The following MAN2C1 variants were observed in gnomAD, a reference collection of about 807,000 sequenced individuals.
MAN2C1 encodes the protein mannosidase alpha class 2C member 1.
MAN2C1 carries 111 observed loss-of-function variants against 126.9 expected under a neutral mutation model. The ratio of observed to expected loss-of-function variants is 0.87; its 90% CI spans 0.75 to 1.02. The LOEUF (loss-of-function observed/expected upper bound fraction) is 1.02. MAN2C1 is among the 50% of genes least tolerant of loss of function. The pLI, the probability that MAN2C1 is intolerant of heterozygous loss-of-function variation, is 0.00. For missense variants in MAN2C1, 1,363 were observed against 1,364.4 expected, an observed-to-expected ratio of 1.00 and a Z score of 0.02; for synonymous variants, 567 against 561.5, an observed-to-expected ratio of 1.01 and a Z score of -0.14.
Position 75,368,101 on chromosome 15 carries a change from C to T in MAN2C1, c.199G>A (p.Ala67Thr), listed in dbSNP as rs371985026. Reference protein sequence around the residue: ...QEAVQRDFRPAQVGDSFGPTW... With the variant: ...QEAVQRDFRPTQVGDSFGPTW... ...GGTCCGAAGCTGTCGCCGACCTGCGCGGGGCGGAAGTCCCGCTGGACTGCC... is the reference window on the plus strand; with the variant it reads ...GGTCCGAAGCTGTCGCCGACCTGCGTGGGGCGGAAGTCCCGCTGGACTGCC... Residue 67 changes from alanine (A) to threonine (T), a missense_variant, in exon 2 of 26, where the codon GCG (alanine) becomes ACG (threonine). Physicochemically the swap from Ala to Thr is moderately conservative, Grantham distance 58. Transcript: ENST00000267978. 1.1e-5 allele frequency: 18 copies of T among 1,607,460 alleles called. No homozygotes were observed. Among genetic ancestry groups the T allele is most frequent in the Non-Finnish European group, 1.5e-5 (18 of 1,177,932 alleles).
In MAN2C1 at chr15:75,361,791, C is replaced by G. The variant is rs919724581; in HGVS notation, c.1101+64G>C. 2 of 1,593,760 alleles carry G rather than the reference C, an allele frequency of 1.3e-6. No individual in the cohort carries two copies. The highest frequency in any genetic ancestry group is 2.7e-5 in the African/African-American group (2 of 74,604). On this transcript the variant is annotated intron_variant, in intron 9 of 25. Transcript: ENST00000267978. The surrounding 1 kb of genome is among the most constrained non-coding windows in gnomAD (Gnocchi z 5.0). The stretch of plus-strand genomic sequence containing the variant: ...CGGACTCACCCCAGCCTCAGCCCCT[C>G]AGCACTCCAAGTCGAGCGCCAGCCC...
rs1481391804 is a variant in MAN2C1, at chr15:75,360,557, C to G, written c.1584+8G>C. 1.2e-6 allele frequency: 2 copies of G among 1,613,448 alleles called. No homozygotes were observed. Among genetic ancestry groups the G allele is most frequent in the Non-Finnish European group, 1.7e-6 (2 of 1,179,924 alleles). Reference sequence around the variant, plus strand: ...CCTCCCTGCACAGCCCTGCAACCTCCCCCTGACCTGGGCATGGGTGGTGTA... The same window carrying G: ...CCTCCCTGCACAGCCCTGCAACCTCGCCCTGACCTGGGCATGGGTGGTGTA... On this transcript the variant is annotated splice_region_variant and intron_variant, in intron 13 of 25. Transcript: ENST00000267978.
chr15:75,357,033 G>A (rs1266055702), intron 21 of MAN2C1, 131 bp from the exon 22 acceptor site: 41 of 706,848 alleles, frequency 5.8e-5, no homozygotes, highest in Admixed American at 3.4e-4. Flanking sequence ...CCCACTGTAC[G>A]GGGCCCTGGG....
chr15:75,363,253 C>G (rs2072511567), intron 6 of MAN2C1: 1 of 456,052 alleles, frequency 2.2e-6, no homozygotes, highest in African/African-American at 2.0e-5. Flanking sequence ...TCTGTGATCC[C>G]AAAACTTCGG....
rs1595876109 is a variant in MAN2C1 at position 75,359,791 on chromosome 15, C to G, written c.1793-16G>C. On this transcript the variant is annotated splice_polypyrimidine_tract_variant and intron_variant, in intron 15 of 25. Transcript: ENST00000267978. Reference sequence around the variant, plus strand: ...GAACGGATGTCTGAGGAAAGACTGGCTGGTCATAGGTGGGCAACAGGTCTG... The same window carrying G: ...GAACGGATGTCTGAGGAAAGACTGGGTGGTCATAGGTGGGCAACAGGTCTG... 1 of 1,613,594 alleles carries G rather than the reference C, an allele frequency of 6.2e-7. No individual in the cohort carries two copies. The highest frequency in any genetic ancestry group is 1.1e-5 in the South Asian group (1 of 91,060).
chr15:75,366,439 AG>A, intron 4 of MAN2C1, 82 bp downstream of exon 4: 1 of 1,152,944 alleles, frequency 8.7e-7, no homozygotes, highest in South Asian at 1.3e-5. Context: ...CGGGCTTATG[AG>A]ATCACTCTGG....
rs1567269298 is a variant in MAN2C1, at chr15:75,356,478, T to C, written c.2738-29A>G. 2 of 1,578,552 alleles carry C rather than the reference T, an allele frequency of 1.3e-6. No individual in the cohort carries two copies. The highest frequency in any genetic ancestry group is 2.3e-5 in the South Asian group (2 of 85,892). On this transcript the variant is annotated intron_variant, in intron 23 of 25. Coordinates refer to ENST00000267978, the MANE Select transcript of MAN2C1 (RefSeq NM_006715.4). The surrounding 1 kb of genome is among the most constrained non-coding windows in gnomAD (Gnocchi z 5.8). ...GGGTACGACCAGGAAACAATGCTGGTGGAGAATGGGGGCTACCCTCCCCTG... is the reference window on the plus strand; with the variant it reads ...GGGTACGACCAGGAAACAATGCTGGCGGAGAATGGGGGCTACCCTCCCCTG...
chr15:75,365,394 T>G (rs569849253), intron 4 of MAN2C1, among the ~76,000 whole-genome samples: 10 of 152,248 alleles, frequency 6.6e-5, no homozygotes, highest in South Asian at 6.2e-4. Context: ...TAACATGGAA[T>G]GTAAGAAGTC....
At position 75,364,219 on chromosome 15, in the gene MAN2C1, T is replaced by C. The variant is rs755929315; in HGVS notation, c.601-31A>G. ...GCAGGGTTCTGCCCCTTAATCCCTT[T>C]TTCAAGCACAGCTTCCAGACCTAGG... On this transcript the variant is annotated intron_variant, in intron 5 of 25. Transcript: ENST00000267978. 1.4e-5 allele frequency: 22 copies of C among 1,580,326 alleles called. No homozygotes were observed. The South Asian group carries it at 2.5e-4, about 18-fold the overall frequency.
In MAN2C1 at chr15:75,362,160, T is replaced by C; in HGVS notation, c.1008+183A>G. Reference sequence around the variant, plus strand: ...TAGGCCATGCAACTTGTCACAGCGCTGGAGGCTCTCCTCCCCCTTGAAGTC... The same window carrying C: ...TAGGCCATGCAACTTGTCACAGCGCCGGAGGCTCTCCTCCCCCTTGAAGTC... On this transcript the variant is annotated intron_variant, in intron 8 of 25. Coordinates refer to ENST00000267978, the MANE Select transcript of MAN2C1 (RefSeq NM_006715.4). The surrounding 1 kb of genome is among the most constrained non-coding windows in gnomAD (Gnocchi z 4.5). 1.5e-6 allele frequency: 1 copy of C among 669,320 alleles called. No homozygotes were observed. The highest frequency in any genetic ancestry group is 1.8e-5 in the South Asian group (1 of 55,736). The allele number at this position is 669,320 out of a possible 1,614,324, so 41.5% of individuals were successfully genotyped here.
At chr15:75,358,928 C>G in intron 18 of MAN2C1, 120 bp from the exon 19 acceptor site, 1 of 1,430,758 alleles carries the variant, frequency 7.0e-7, no homozygotes, top group Non-Finnish European at 9.7e-7. Context: ...CCAGCCTGCC[C>G]TGCTCCATGT....
chr15:75,357,309 CT>C (rs766453436), intron 21 of MAN2C1: 3,655 of 144,816 alleles, frequency 0.025, 24 homozygotes, highest in East Asian at 0.084. Flanking sequence ...CCACGCCCGG[CT>C]TTTTTTTTTT....
intron 16 of MAN2C1, 56 bp from the exon 17 acceptor site, chr15:75,359,481 G>A (rs567809335): frequency 3.6e-5 from 56 of 1,574,556 alleles, no homozygotes; most frequent in South Asian, 1.7e-4. Context: ...GGAAGCTTGC[G>A]CAGGTGGGGA....
intron 6 of MAN2C1, chr15:75,363,042 C>T (rs1398859700): frequency 1.2e-5 from 5 of 421,786 alleles, no homozygotes; most frequent in African/African-American, 6.1e-5. Flanking sequence ...GAGGATCCTA[C>T]GAGAAGTAGC....
intron 4 of MAN2C1, chr15:75,365,955 C>T: frequency 2.3e-6 from 1 of 430,460 alleles, no homozygotes. Context: ...GACGTGGTGG[C>T]ACACACCTGT....
At position 75,359,372 on chromosome 15, in the gene MAN2C1, G is replaced by C. The variant is rs758952816; in HGVS notation, c.2002C>G (p.Leu668Val). 2 of 1,606,428 alleles carry C rather than the reference G, an allele frequency of 1.2e-6. No individual in the cohort carries two copies. Among genetic ancestry groups the C allele is most frequent in the African/African-American group, 2.7e-5 (2 of 74,832 alleles). The change falls in exon 17 of 26, where the codon CTG becomes GTG. Residue 668 changes from leucine (L) to valine (V), a missense_variant. Transcript: ENST00000267978. ...GYAPVPPPTS[L>V]QPLLPQQPVF... ...GGCTGCTGGGGCAGCAGGGGCTGCAGTGAGGTGGGGGGAGGAACAGGAGCA... is the reference window on the plus strand; with the variant it reads ...GGCTGCTGGGGCAGCAGGGGCTGCACTGAGGTGGGGGGAGGAACAGGAGCA...
At position 75,359,086 on chromosome 15, in the gene MAN2C1, G is replaced by T. The variant is rs1164955801; in HGVS notation, c.2114C>A (p.Thr705Lys). The T allele has an allele frequency of 1.3e-5, 21 of 1,613,864 alleles. No homozygotes were observed. The highest frequency in any genetic ancestry group is 1.4e-5 in the Non-Finnish European group (17 of 1,180,018). The change falls in exon 18 of 26, where the codon ACG (threonine) becomes AAG (lysine). Residue 705 changes from threonine (T) to lysine (K), a missense_variant. Physicochemically the swap from Thr to Lys is moderately conservative, Grantham distance 78. Transcript: ENST00000267978. ...RVKLDPTGRL[T>K]SLVLVASGRE... ...GCCAGAGGCCACCAGGACCAAGGAC[G>T]TCAGGCGACCAGTTGGGTCCAGCTT...
In MAN2C1 at chr15:75,356,815, C is replaced by T; in HGVS notation, c.2635G>A (p.Gly879Ser). 6.2e-7 allele frequency: 1 copy of T among 1,614,100 alleles called. No homozygotes were observed. Among genetic ancestry groups the T allele is most frequent in the Non-Finnish European group, 8.5e-7 (1 of 1,180,042 alleles). The change falls in exon 22 of 26, where the codon GGC (glycine) becomes AGC (serine). Residue 879 changes from glycine (G) to serine (S), a missense_variant. Physicochemically the swap from Gly to Ser is moderately conservative, Grantham distance 56. Around this residue, in one of 3 missense-constraint regions of MAN2C1, gnomAD observed 668 missense variants for 650.1 expected, o/e 1.03. Coordinates refer to ENST00000267978, the MANE Select transcript of MAN2C1 (RefSeq NM_006715.4). This position sits in a 1 kb window ranked among gnomAD's most constrained non-coding sequence, Gnocchi z 5.8. ...TACAGCGAGAGGCTGAGGATGCTGC[C>T]TCGCACTGACGCGCCATACTTGCAG... ...NDCKYGASVRGSILSLSLLRA... is the reference protein window; with the variant it reads ...NDCKYGASVRSSILSLSLLRA...
At chr15:75,358,369 G>C (rs761410308) in intron 20 of MAN2C1, 25 bp from the exon 21 acceptor site, 1 of 1,613,972 alleles carries the variant, frequency 6.2e-7, no homozygotes, top group Admixed American at 1.7e-5. Flanking sequence ...GAGGGTGGGA[G>C]TCAGGGAAGG....
Sources: gnomAD v4.1 joint callset for allele counts (sites outside exome capture counted in the v4.1 genomes callset) on GRCh38, gnomAD v4.1.1 for gene constraint, gnomAD v4.1.1 regional missense constraint, Gnocchi (gnomAD v3.1) non-coding constraint, MANE v1.5 for transcripts, NCBI Gene and HGNC (gene_info 2026-07-23, HGNC 2026-07-21) for gene names.